The following RALGAPB variants were observed in gnomAD, a reference collection of about 807,000 sequenced individuals.
RALGAPB encodes the protein Ral GTPase activating protein non-catalytic subunit beta.
Under a neutral mutation model 161.1 loss-of-function variants are expected in RALGAPB, and 25 were observed. The ratio of observed to expected loss-of-function variants is 0.16; its 90% CI spans 0.11 to 0.22. RALGAPB has a LOEUF of 0.22. RALGAPB is among the 10% of genes least tolerant of loss of function. The pLI, the probability that RALGAPB is intolerant of heterozygous loss-of-function variation, is 1.00. For missense variants in RALGAPB, 1,391 were observed against 1,815.2 expected, an observed-to-expected ratio of 0.77 and a Z score of 4.25; for synonymous variants, 629 against 626.1, an observed-to-expected ratio of 1.00 and a Z score of -0.07.
chr20:38,504,508 T>C (rs909472344), intron 5 of RALGAPB, among the ~76,000 whole-genome samples: 2 of 152,192 alleles, frequency 1.3e-5, no homozygotes, highest in African/African-American at 2.4e-5. Context: ...AACACTATTA[T>C]GGACATTTGC....
Position 38,489,360 on chromosome 20 carries a change from T to A in RALGAPB, c.186+742T>A, listed in dbSNP as rs139642606. Among the ~76,000 whole-genome samples, 10 of 152,240 alleles carry A rather than the reference T, an allele frequency of 6.6e-5. No homozygotes were observed. The East Asian group carries it at 1.7e-3, about 26-fold the overall frequency. On this transcript the variant is annotated intron_variant, in intron 2 of 29. Transcript: ENST00000262879. Reference sequence around the variant, plus strand: ...CGCCAGGCTAATTTAAAAAATTTTTTTATAGAGATGATGTTCTTACTATGT... The same window carrying A: ...CGCCAGGCTAATTTAAAAAATTTTTATATAGAGATGATGTTCTTACTATGT...
chr20:38,538,119 T>C, intron 16 of RALGAPB: 1 of 161,464 alleles, frequency 6.2e-6, no homozygotes, highest in East Asian at 1.5e-4. Context: ...TAGTGTGCTG[T>C]GGTTCATTAT....
At chr20:38,504,605 G>A (rs905471397) in intron 5 of RALGAPB, among the ~76,000 whole-genome samples, 3 of 152,060 alleles carry the variant, frequency 2.0e-5, no homozygotes, top group African/African-American at 7.2e-5. Context: ...TAAAGAGTTT[G>A]CACAGTAAAA....
At position 38,524,909 on chromosome 20, in the gene RALGAPB, A is replaced by G. The variant is rs2086411327; in HGVS notation, c.1751A>G (p.Tyr584Cys). 1 of 1,611,454 alleles carries G rather than the reference A, an allele frequency of 6.2e-7. No homozygotes were observed. Among genetic ancestry groups the G allele is most frequent in the Non-Finnish European group, 8.5e-7 (1 of 1,177,616 alleles). Residue 584 changes from tyrosine to cysteine, a missense_variant, in exon 11 of 30, where the codon TAC becomes TGC. Tyr to Cys is a radical substitution (Grantham distance 194). This residue lies in a region of RALGAPB where 946 missense variants were observed against 1,257.2 expected (regional missense o/e 0.75). Transcript: ENST00000262879. ...AAAGGGATTGATGTTGTGGTTCCTT[A>G]CTTTATTTCAGCTCTTGAAACCATT... is the stretch of plus-strand genomic sequence containing the variant. The part of the protein sequence containing the change: ...DLKGIDVVVP[Y>C]FISALETILP...
intron 23 of RALGAPB, among the ~76,000 whole-genome samples, chr20:38,561,984 G>A (rs1445395970): frequency 1.3e-5 from 2 of 152,180 alleles, no homozygotes; most frequent in African/African-American, 4.8e-5. Flanking sequence ...TTAGTGAAGA[G>A]GAGAGAACTT....
rs1316455016 is a variant in RALGAPB at position 38,551,341 on chromosome 20, T to C, written c.3162+118T>C. On this transcript the variant is annotated intron_variant, in intron 21 of 29. Coordinates refer to ENST00000262879, the MANE Select transcript of RALGAPB (RefSeq NM_020336.4). ...GATGATTTTTAAGATGACATGGGCC[T>C]CCATCATCCAGGAGGTTGCCATGTT... 32 of 1,156,184 alleles carry C rather than the reference T, an allele frequency of 2.8e-5. No individual in the cohort carries two copies. In the Admixed American group the frequency reaches 6.8e-4, roughly 25 times the overall value. The allele number at this position is 1,156,184 out of a possible 1,614,324, so 71.6% of individuals were successfully genotyped here. A position where few individuals can be genotyped will look rare whatever the true frequency, so the allele number is the denominator to read the frequency against.
chr20:38,488,675 ATTTG>A (rs2085188287), intron 2 of RALGAPB, 57 bp downstream of exon 2: 1 of 1,508,026 alleles, frequency 6.6e-7, no homozygotes, highest in African/African-American at 1.4e-5. Flanking sequence ...TTCTTGAAGA[ATTTG>A]TTTAATGTTA....
At chr20:38,513,320 AT>A (rs1333568025) in intron 6 of RALGAPB, among the ~76,000 whole-genome samples, 1 of 152,020 alleles carries the variant, frequency 6.6e-6, no homozygotes, top group Non-Finnish European at 1.5e-5. Flanking sequence ...CCTGGCCAAC[AT>A]GGTGAAACCC....
intron 9 of RALGAPB, among the ~76,000 whole-genome samples, chr20:38,521,042 A>G (rs1182363065): frequency 1.3e-5 from 2 of 152,210 alleles, no homozygotes; most frequent in African/African-American, 2.4e-5. Context: ...TCCCTAAAGT[A>G]TACAGACTGG....
intron 5 of RALGAPB, among the ~76,000 whole-genome samples, chr20:38,501,300 A>G (rs192527176): frequency 2.6e-5 from 4 of 152,298 alleles, no homozygotes; most frequent in East Asian, 1.9e-4. Flanking sequence ...TTGGCAGCCT[A>G]TATACTAAGA....
Position 38,472,952 on chromosome 20 carries a change from C to T in RALGAPB, c.-148C>T. ...GGTGGACTGACGGACCGCCTGAGGA[C>T]GGCCGGCCAGGGCGGTGAAAGCGCC... On this transcript the variant is annotated 5_prime_UTR_variant, in exon 1 of 30. In the 5' UTR this introduces an upstream ATG that the reference lacks. Coordinates refer to ENST00000262879, the MANE Select transcript of RALGAPB (RefSeq NM_020336.4). 5.0e-6 allele frequency: 2 copies of T among 398,788 alleles called. No individual in the cohort carries two copies. The highest frequency in any genetic ancestry group is 4.4e-5 in the Admixed American group (1 of 22,726). 24.7% of individuals were successfully genotyped at this position (398,788 alleles called of 1,614,324 possible). A position where few individuals can be genotyped will look rare whatever the true frequency, so the allele number is the denominator to read the frequency against.
intron 23 of RALGAPB, among the ~76,000 whole-genome samples, chr20:38,561,062 C>T (rs2087768341): frequency 6.6e-6 from 1 of 152,212 alleles, no homozygotes; most frequent in South Asian, 2.1e-4. Context: ...TGTGGTGGCT[C>T]ATGCCTGTAA....
intron 16 of RALGAPB, chr20:38,537,787 G>C (rs1430755368): frequency 1.3e-5 from 2 of 152,182 alleles, no homozygotes; most frequent in Non-Finnish European, 2.9e-5. Flanking sequence ...AGAAGAGGAA[G>C]TTTGATAGCA....
intron 6 of RALGAPB, among the ~76,000 whole-genome samples, chr20:38,513,466 G>A (rs1263230951): frequency 2.6e-5 from 4 of 150,958 alleles, no homozygotes; most frequent in African/African-American, 4.9e-5. Context: ...GCGACAGAGC[G>A]GCGGCGGTGG....
chr20:38,521,780 T>C (rs6026240), intron 10 of RALGAPB, 82 bp downstream of exon 10: 28 of 1,418,892 alleles, frequency 2.0e-5, no homozygotes, highest in African/African-American at 1.1e-4. Context: ...AACCGATGAG[T>C]GATGTTGGTC....
At chr20:38,533,689 T>C (rs1227124634) in intron 15 of RALGAPB, among the ~76,000 whole-genome samples, 1 of 152,216 alleles carries the variant, frequency 6.6e-6, no homozygotes, top group Non-Finnish European at 1.5e-5. Context: ...ATGTCAGATA[T>C]ACATAAAGCC....
intron 26 of RALGAPB, chr20:38,569,630 A>T: frequency 2.5e-6 from 1 of 394,640 alleles, no homozygotes. Flanking sequence ...GTTTTTATTA[A>T]TGCAAATTAT....
chr20:38,544,884 G>T (rs1172943998), intron 18 of RALGAPB, among the ~76,000 whole-genome samples: 2 of 152,110 alleles, frequency 1.3e-5, no homozygotes, highest in Non-Finnish European at 2.9e-5. Context: ...TTTGCATTAA[G>T]TCAACTAAAA....
intron 18 of RALGAPB, 140 bp downstream of exon 18, chr20:38,541,332 A>G: frequency 1.1e-6 from 1 of 912,706 alleles, no homozygotes; most frequent in Non-Finnish European, 1.5e-6. Flanking sequence ...CAGAAATAAA[A>G]TGGGAAGAAA....
Sources: allele counts gnomAD v4.1 joint callset (sites outside exome capture counted in the v4.1 genomes callset), GRCh38; gene constraint gnomAD v4.1.1; regional missense constraint gnomAD v4.1.1; transcripts MANE v1.5; gene names NCBI Gene and HGNC (gene_info 2026-07-23, HGNC 2026-07-21).